TMCO5A: variants seen among roughly 807,000 people sequenced by gnomAD.
The protein encoded by TMCO5A is transmembrane and coiled-coil domains 5A.
TMCO5A carries 34 observed loss-of-function variants against 42.3 expected under a neutral mutation model. That is an observed-to-expected ratio of 0.80 (90% CI 0.61 to 1.07). The LOEUF (loss-of-function observed/expected upper bound fraction) is 1.07, where lower values mean the gene tolerates loss of function less well. TMCO5A is among the 50% of genes least tolerant of loss of function. The pLI, the probability that TMCO5A is intolerant of heterozygous loss-of-function variation, is 0.00. For synonymous variants in TMCO5A, 131 were observed against 115.6 expected (o/e 1.13, Z -0.86); for missense variants, 357 against 327.9 (o/e 1.09, Z -0.69).
chr15:37,998,528 T>C, the TMCO5A span, among the ~76,000 whole-genome samples: 2 of 152,216 alleles, frequency 1.3e-5, no homozygotes, highest in African/African-American at 4.8e-5. Flanking sequence ...GATATATTTC[T>C]GGGGTCTCTA....
the TMCO5A span, among the ~76,000 whole-genome samples, chr15:38,010,340 A>G: frequency 7.1e-6 from 1 of 141,612 alleles, no homozygotes; most frequent in South Asian, 2.3e-4. Context: ...GCGCCACTGC[A>G]CTCCAGCACT....
chr15:38,024,079 G>A, the TMCO5A span, among the ~76,000 whole-genome samples: 2 of 152,198 alleles, frequency 1.3e-5, no homozygotes, highest in African/African-American at 4.8e-5. Flanking sequence ...ACATCCTAAT[G>A]TACAGCTTTT....
intron 11 of TMCO5A, 126 bp downstream of exon 11, chr15:37,947,822 A>G: frequency 1.8e-6 from 1 of 549,720 alleles, no homozygotes; most frequent in African/African-American, 2.0e-5. Flanking sequence ...ACACACACAC[A>G]CAAGTCAGCA....
chr15:38,014,371 T>C, the TMCO5A span, among the ~76,000 whole-genome samples: 528 of 152,286 alleles, frequency 3.5e-3, 3 homozygotes, highest in African/African-American at 0.012. Context: ...TACGATCGAT[T>C]ACAAACACTT....
the TMCO5A span, among the ~76,000 whole-genome samples, chr15:37,973,479 G>C: frequency 6.6e-6 from 1 of 152,034 alleles, no homozygotes; most frequent in Non-Finnish European, 1.5e-5. Flanking sequence ...TCTCATTGTA[G>C]AAATTTTTCA....
chr15:37,989,534 C>T, the TMCO5A span, among the ~76,000 whole-genome samples: 1 of 151,788 alleles, frequency 6.6e-6, no homozygotes, highest in African/African-American at 2.4e-5. Flanking sequence ...TTCTAATTTC[C>T]CTTGTAATTT....
chr15:37,959,377 C>T (rs1646103299), intron 11 of TMCO5A, among the ~76,000 whole-genome samples: 1 of 151,872 alleles, frequency 6.6e-6, no homozygotes, highest in South Asian at 2.1e-4. Flanking sequence ...TACCCTGACA[C>T]CAAAACCAGA....
At chr15:38,028,188 C>T in the TMCO5A span, among the ~76,000 whole-genome samples, 4 of 150,812 alleles carry the variant, frequency 2.7e-5, no homozygotes, top group African/African-American at 5.0e-5. Context: ...GATGAAGTCA[C>T]TTAGCCCCCT....
intron 11 of TMCO5A, among the ~76,000 whole-genome samples, chr15:37,965,892 T>A (rs577165784): frequency 6.6e-6 from 1 of 152,126 alleles, no homozygotes; most frequent in Non-Finnish European, 1.5e-5. Flanking sequence ...GATCCAGCAA[T>A]CCCACTGCTG....
In TMCO5A at chr15:37,936,873, G is replaced by A. The variant is rs201144596; in HGVS notation, c.167G>A (p.Arg56Gln). 107 of 1,612,070 alleles carry A rather than the reference G, an allele frequency of 6.6e-5. No homozygotes were observed. Among genetic ancestry groups the A allele is most frequent in the East Asian group, 1.3e-4 (6 of 44,688 alleles). The change falls in exon 4 of 12, where the codon CGG becomes CAG. Residue 56 changes from arginine to glutamine, a missense_variant. By Grantham distance (43) the Arg-to-Gln change is conservative. Coordinates refer to ENST00000319669, the MANE Select transcript of TMCO5A (RefSeq NM_152453.4). The part of the protein sequence containing the change: ...QRLESEIIQT[R>Q]GLVEDEEWEK... Reference sequence around the variant, plus strand: ...CTGGAAAGTGAGATCATTCAGACGCGGGGCCTGGTGGAAGATGAAGAGTGG... The same window carrying A: ...CTGGAAAGTGAGATCATTCAGACGCAGGGCCTGGTGGAAGATGAAGAGTGG...
downstream of TMCO5A, among the ~76,000 whole-genome samples, chr15:37,953,928 C>T (rs1169081895): frequency 2.6e-5 from 4 of 151,778 alleles, no homozygotes; most frequent in African/African-American, 9.7e-5. Flanking sequence ...ATGAAGAATA[C>T]ACCAGAGTCT....
intron 6 of TMCO5A, among the ~76,000 whole-genome samples, chr15:37,940,441 C>G (rs1000874194): frequency 9.2e-5 from 14 of 152,158 alleles, no homozygotes; most frequent in African/African-American, 3.4e-4. Flanking sequence ...ATTTAGCTAG[C>G]ATTTATCATT....
chr15:38,039,369 A>G, the TMCO5A span, among the ~76,000 whole-genome samples: 1 of 152,374 alleles, frequency 6.6e-6, no homozygotes, highest in South Asian at 2.1e-4. Context: ...TAACTACAGT[A>G]TAACATAAGC....
the TMCO5A span, among the ~76,000 whole-genome samples, chr15:37,987,797 A>G: frequency 5.9e-5 from 9 of 151,970 alleles, no homozygotes; most frequent in African/African-American, 2.2e-4. Flanking sequence ...ATCAGGAAGT[A>G]TAAGCCTCCC....
chr15:37,943,253 A>G, intron 9 of TMCO5A, 88 bp from the exon 10 acceptor site: 1 of 1,255,360 alleles, frequency 8.0e-7, no homozygotes, highest in Non-Finnish European at 1.1e-6. Context: ...CAGATTTAGA[A>G]TATAAAGCTT....
At chr15:37,991,634 T>C in the TMCO5A span, among the ~76,000 whole-genome samples, 20 of 152,144 alleles carry the variant, frequency 1.3e-4, no homozygotes, top group African/African-American at 4.3e-4. Flanking sequence ...TTTCTTCCAA[T>C]AGTCTTATCT....
the TMCO5A span, among the ~76,000 whole-genome samples, chr15:37,976,284 T>C: frequency 6.6e-6 from 1 of 152,064 alleles, no homozygotes; most frequent in Non-Finnish European, 1.5e-5. Context: ...TTCATGTTAG[T>C]CTGGTGCAGT....
the TMCO5A span, among the ~76,000 whole-genome samples, chr15:37,978,323 T>C: frequency 6.6e-6 from 1 of 152,116 alleles, no homozygotes; most frequent in Non-Finnish European, 1.5e-5. Context: ...GCAAAACTGC[T>C]GCAGTGGCAA....
chr15:37,982,202 T>C, the TMCO5A span, among the ~76,000 whole-genome samples: 1 of 152,060 alleles, frequency 6.6e-6, no homozygotes, highest in South Asian at 2.1e-4. Flanking sequence ...AGTATTTGAG[T>C]ATCAATCCCA....
Sources: allele counts gnomAD v4.1 joint callset (sites outside exome capture counted in the v4.1 genomes callset), GRCh38; gene constraint gnomAD v4.1.1; transcripts MANE v1.5; gene names NCBI Gene and HGNC (gene_info 2026-07-23, HGNC 2026-07-21).